B3GALT1: variants seen among roughly 807,000 people sequenced by gnomAD.
The protein encoded by B3GALT1 is beta-1,3-galactosyltransferase 1.
A neutral mutation model predicts 23.2 loss-of-function variants in B3GALT1; 10 were observed. The observed-to-expected ratio is 0.43, with a 90% CI of 0.27 to 0.73. The LOEUF (loss-of-function observed/expected upper bound fraction) is 0.73, where lower values mean the gene tolerates loss of function less well. Among genes scored for constraint, B3GALT1 ranks in the 30% least tolerant of loss-of-function variants. B3GALT1 has a pLI of 0.21. For synonymous variants in B3GALT1, 156 were observed against 141.5 expected (o/e 1.10, Z -0.73); for missense variants, 299 against 405.4 (o/e 0.74, Z 2.25).
intron 1 of B3GALT1, among the ~76,000 whole-genome samples, chr2:167,461,864 C>G (rs1180530236): frequency 6.6e-6 from 1 of 152,026 alleles, no homozygotes; most frequent in Non-Finnish European, 1.5e-5. Flanking sequence ...GCAATGTGAC[C>G]TTTCCTTTCA....
chr2:167,789,220 A>G (rs999700250), intron 3 of B3GALT1, among the ~76,000 whole-genome samples: 1 of 152,154 alleles, frequency 6.6e-6, no homozygotes, highest in African/African-American at 2.4e-5. Flanking sequence ...AGATATCACC[A>G]TGTCTTTGTG....
chr2:167,328,460 G>A (rs1240894475), intron 1 of B3GALT1, among the ~76,000 whole-genome samples: 1 of 152,046 alleles, frequency 6.6e-6, no homozygotes, highest in African/African-American at 2.4e-5. Context: ...ATGTTTATAG[G>A]AATTTATCCA....
intron 1 of B3GALT1, among the ~76,000 whole-genome samples, chr2:167,426,096 T>A (rs191918839): frequency 6.6e-6 from 1 of 152,044 alleles, no homozygotes; most frequent in Non-Finnish European, 1.5e-5. Context: ...ACCAATAGAA[T>A]AGGAGGAAAG....
chr2:167,870,020 G>A lies in B3GALT1; in HGVS notation c.981G>A (p.Ter327=), dbSNP rs1167285052. 3 of 1,587,698 alleles carry A rather than the reference G, an allele frequency of 1.9e-6. No homozygotes were observed. Among genetic ancestry groups the A allele is most frequent in the Admixed American group, 3.5e-5 (2 of 57,452 alleles). ...CAAGCAAGAAACATCTCAGATGTTA[G>A]GATTTTTACCAATGTAAATATGTTT... ...DMSSKKHLRC[*] The change falls in exon 5 of 5, where the codon TAG becomes TAA. Residue 327 remains the stop codon, a stop_retained_variant. Transcript: ENST00000392690.
chr2:167,685,182 GTC>G (rs1686598270), intron 3 of B3GALT1, among the ~76,000 whole-genome samples: 10 of 152,194 alleles, frequency 6.6e-5, no homozygotes, highest in Admixed American at 6.5e-4. Flanking sequence ...TAACCTGAAA[GTC>G]TGTCAGTCTG....
At chr2:167,738,434 C>G (rs1356268540) in intron 3 of B3GALT1, among the ~76,000 whole-genome samples, 1 of 152,124 alleles carries the variant, frequency 6.6e-6, no homozygotes, top group African/African-American at 2.4e-5. Flanking sequence ...ATGGCAGTGA[C>G]AGGACCCACT....
intron 1 of B3GALT1, among the ~76,000 whole-genome samples, chr2:167,419,625 A>G (rs1698518924): frequency 6.6e-6 from 1 of 152,198 alleles, no homozygotes; most frequent in Non-Finnish European, 1.5e-5. Context: ...GAAAGCCTTT[A>G]TTTGTATCAT....
intron 2 of B3GALT1, 104 bp downstream of exon 2, chr2:167,490,381 G>T (rs1218685782): frequency 1.3e-5 from 2 of 152,162 alleles, no homozygotes; most frequent in African/African-American, 4.8e-5. Context: ...CTCTGAATTT[G>T]CTTATAGCTT....
chr2:167,503,727 C>G (rs547340696), intron 2 of B3GALT1, among the ~76,000 whole-genome samples: 21 of 152,288 alleles, frequency 1.4e-4, no homozygotes, highest in African/African-American at 5.1e-4. Context: ...CCAGAGCACT[C>G]TTTTTCTAAA....
chr2:167,579,286 G>C (rs1208984253), intron 2 of B3GALT1, among the ~76,000 whole-genome samples: 1 of 151,806 alleles, frequency 6.6e-6, no homozygotes, highest in Admixed American at 6.6e-5. Flanking sequence ...TTTATAGAAA[G>C]AAACTCTTGC....
chr2:167,592,025 A>C (rs551781680), intron 2 of B3GALT1, among the ~76,000 whole-genome samples: 6 of 152,302 alleles, frequency 3.9e-5, no homozygotes, highest in African/African-American at 1.4e-4. Flanking sequence ...TTTGAGAGAA[A>C]GAGAAGTACT....
At chr2:167,318,797 G>A (rs1239010678) in intron 1 of B3GALT1, among the ~76,000 whole-genome samples, 2 of 151,978 alleles carry the variant, frequency 1.3e-5, no homozygotes, top group East Asian at 1.9e-4. Context: ...AGCTGCTGTG[G>A]CCTATAGACT....
chr2:167,514,075 T>A (rs1260357016), intron 2 of B3GALT1, among the ~76,000 whole-genome samples: 1 of 151,960 alleles, frequency 6.6e-6, no homozygotes, highest in African/African-American at 2.4e-5. Context: ...CCCAGCTAAT[T>A]TTTTTGTATC....
chr2:167,679,360 C>T (rs1388318020), intron 3 of B3GALT1, among the ~76,000 whole-genome samples: 1 of 151,434 alleles, frequency 6.6e-6, no homozygotes, highest in East Asian at 1.9e-4. Context: ...CTCAGGTGAT[C>T]CGCCCACCTC....
chr2:167,536,254 T>G (rs34653091), intron 2 of B3GALT1, among the ~76,000 whole-genome samples: 58,265 of 151,730 alleles, frequency 0.38, 12,121 homozygotes, highest in East Asian at 0.82. Context: ...CACACTTTCT[T>G]AAATGTTAGC....
intron 1 of B3GALT1, among the ~76,000 whole-genome samples, chr2:167,402,177 A>G (rs1698202875): frequency 6.6e-6 from 1 of 152,132 alleles, no homozygotes; most frequent in Non-Finnish European, 1.5e-5. Context: ...ATGATAAAAT[A>G]ATTTTAATTT....
intron 4 of B3GALT1, among the ~76,000 whole-genome samples, chr2:167,836,448 G>C (rs1241029474): frequency 1.3e-5 from 2 of 152,214 alleles, no homozygotes; most frequent in East Asian, 3.9e-4. Context: ...TGAAATGAAT[G>C]AAATGAAGCA....
At chr2:167,571,973 C>T (rs1684301100) in intron 2 of B3GALT1, among the ~76,000 whole-genome samples, 1 of 151,620 alleles carries the variant, frequency 6.6e-6, no homozygotes, top group Non-Finnish European at 1.5e-5. Context: ...CAAAAAGATG[C>T]TATAATCTAG....
At chr2:167,817,575 A>C (rs769036501) in intron 3 of B3GALT1, among the ~76,000 whole-genome samples, 28 of 152,180 alleles carry the variant, frequency 1.8e-4, no homozygotes, top group Non-Finnish European at 3.8e-4. Context: ...AGAGTCTTTT[A>C]ACAGAAACTG....
Sources: allele counts gnomAD v4.1 joint callset (sites outside exome capture counted in the v4.1 genomes callset), GRCh38; gene constraint gnomAD v4.1.1; transcripts MANE v1.5; gene names NCBI Gene and HGNC (gene_info 2026-07-23, HGNC 2026-07-21).